The following PLCD3 variants were observed in gnomAD, a reference collection of about 807,000 sequenced individuals.
The protein encoded by PLCD3 is phospholipase C delta 3.
Under a neutral mutation model 82.8 loss-of-function variants are expected in PLCD3, and 62 were observed. That is an observed-to-expected ratio of 0.75 (90% CI 0.61 to 0.93). The LOEUF is 0.93. Among genes scored for constraint, PLCD3 ranks in the 40% least tolerant of loss-of-function variants. PLCD3 has a pLI of 0.00. For missense variants in PLCD3, 1,023 were observed against 1,103.4 expected (o/e 0.93, Z 1.03); for synonymous variants, 478 against 471.8 (o/e 1.01, Z -0.17).
At chr17:45,127,268 C>T (rs1055988072) in intron 1 of PLCD3, among the ~76,000 whole-genome samples, 27 of 152,314 alleles carry the variant, frequency 1.8e-4, no homozygotes, top group Non-Finnish European at 3.8e-4. Context: ...GGGTACCTTC[C>T]CCAGACCAGG....
Position 45,120,334 on chromosome 17 carries a change from G to T in PLCD3, c.675C>A (p.Leu225=). ...CAGGGCGGAAGCCCACCTTGAAGAG[G>T]AGGTAGGCGTACATGTCGTTCATGT... ...NVDMNDMYAY[L]LFKECDHSNN... The change falls in exon 4 of 15, where the codon CTC becomes CTA. Residue 225 remains leucine (L), a synonymous_variant. Transcript: ENST00000619929. 6.2e-7 allele frequency: 1 copy of T among 1,614,000 alleles called. No homozygotes were observed. Among genetic ancestry groups the T allele is most frequent in the South Asian group, 1.1e-5 (1 of 91,082 alleles).
Position 45,120,970 on chromosome 17 carries a change from G to T in PLCD3, c.486C>A (p.Arg162=). 6.6e-7 allele frequency: 1 copy of T among 1,525,486 alleles called. No homozygotes were observed. Among genetic ancestry groups the T allele is most frequent in the Non-Finnish European group, 8.7e-7 (1 of 1,143,358 alleles). The allele number at this position is 1,525,486 out of a possible 1,614,324, so 94.5% of individuals were successfully genotyped here. ...GGAGCTTGGTCAGACCGCGCACCCA[G>T]CGCTGCGCTTCCTCAGCCGTGGGCG... The part of the protein sequence containing the change: ...LAAPTAEEAQ[R]WVRGLTKLRA... The change falls in exon 3 of 15, where the codon CGC becomes CGA. Residue 162 remains arginine, a synonymous_variant. Coordinates refer to ENST00000619929, the MANE Select transcript of PLCD3 (RefSeq NM_133373.5).
Position 45,112,580 on chromosome 17 carries a change from G to A in PLCD3, c.*36C>T, listed in dbSNP as rs1311624003. 1.3e-6 allele frequency: 2 copies of A among 1,538,504 alleles called. No homozygotes were observed. The highest frequency in any genetic ancestry group is 1.8e-6 in the Non-Finnish European group (2 of 1,130,832). On this transcript the variant is annotated 3_prime_UTR_variant, in exon 15 of 15. Coordinates refer to ENST00000619929, the MANE Select transcript of PLCD3 (RefSeq NM_133373.5). The stretch of plus-strand genomic sequence containing the variant: ...AGGGCTCTGCAGGGGATGTGGACTG[G>A]CACTCGCAGAACCCCAAGGCGAGTG...
chr17:45,120,876 C>T (rs1431366349), intron 3 of PLCD3, 26 bp downstream of exon 3: 5 of 1,412,336 alleles, frequency 3.5e-6, no homozygotes, highest in Non-Finnish European at 4.6e-6. Flanking sequence ...AGGATGGGGC[C>T]CTCCCTCCCA....
rs1035564832 is a variant in PLCD3 at position 45,132,084 on chromosome 17, C to T, written c.163+164G>A. On this transcript the variant is annotated intron_variant, in intron 1 of 14. Coordinates refer to ENST00000619929, the MANE Select transcript of PLCD3 (RefSeq NM_133373.5). The surrounding 1 kb of genome is among the most constrained non-coding windows in gnomAD (Gnocchi z 4.6). ...GCTCGCCCCGGGACCCTCGGATGAC[C>T]CCAGGTGCGACCCCCAGCTGGAGGG... 6.6e-6 allele frequency among the ~76,000 whole-genome samples: 1 copy of T among 152,176 alleles called. No individual in the cohort carries two copies. The highest frequency in any genetic ancestry group is 2.4e-5 in the African/African-American group (1 of 41,444).
At chr17:45,120,200 G>GGCTGCTCGCT (rs1201791714) in intron 4 of PLCD3, 125 bp downstream of exon 4, 7 of 1,325,564 alleles carry the variant, frequency 5.3e-6, no homozygotes, top group African/African-American at 2.9e-5. Flanking sequence ...TGCAGGGAAA[G>GGCTGCTCGCT]GCTGCTCGCT....
chr17:45,118,031 C>A lies in PLCD3; in HGVS notation c.1223G>T (p.Arg408Leu). 1 of 1,613,684 alleles carries A rather than the reference C, an allele frequency of 6.2e-7. No homozygotes were observed. Among genetic ancestry groups the A allele is most frequent in the Non-Finnish European group, 8.5e-7 (1 of 1,179,798 alleles). ...GHTLTSKILFRDVVQAVRDHA... is the reference protein window; with the variant it reads ...GHTLTSKILFLDVVQAVRDHA... ...GTCGCGCACGGCTTGGACCACGTCC[C>A]GGAAGAGAATCTTGGAGGTGAGGGT... The change falls in exon 7 of 15, where the codon CGG becomes CTG. Residue 408 changes from arginine (R) to leucine (L), a missense_variant. Physicochemically the swap from Arg to Leu is moderately radical, Grantham distance 102 (BLOSUM62 -2). Coordinates refer to ENST00000619929, the MANE Select transcript of PLCD3 (RefSeq NM_133373.5). This position sits in a 1 kb window ranked among gnomAD's most constrained non-coding sequence, Gnocchi z 4.1.
chr17:45,131,511 T>C (rs1435636321), intron 1 of PLCD3, among the ~76,000 whole-genome samples: 2 of 152,230 alleles, frequency 1.3e-5, no homozygotes, highest in Non-Finnish European at 2.9e-5. Flanking sequence ...CTTTGCCCTT[T>C]GTTGGCTGTG....
In PLCD3 at chr17:45,111,493, A is replaced by G. The variant is rs1438040564; in HGVS notation, c.*1123T>C. ...TTAAGCCAGGAGCAGGGATCGGGCTATTTAGAGCTGTGGCATCTCCTGCTG... is the reference window on the plus strand; with the variant it reads ...TTAAGCCAGGAGCAGGGATCGGGCTGTTTAGAGCTGTGGCATCTCCTGCTG... On this transcript the variant is annotated 3_prime_UTR_variant, in exon 15 of 15. Transcript: ENST00000619929. 1 of 152,044 alleles carries G rather than the reference A, an allele frequency of 6.6e-6. No homozygotes were observed. Among genetic ancestry groups the G allele is most frequent in the Non-Finnish European group, 1.5e-5 (1 of 68,078 alleles). 9.4% of individuals were successfully genotyped at this position (152,044 alleles called of 1,614,324 possible). A position where few individuals can be genotyped will look rare whatever the true frequency, so the allele number is the denominator to read the frequency against.
Position 45,110,446 on chromosome 17 carries a change from A to AG in PLCD3, c.*2169dup, listed in dbSNP as rs2054233228. ...GGGACGAGCAAGACTTTGTCTCAAA[A>AG]GAAAAAAAAAAAAGACTCTTGCCCT... On this transcript the variant is annotated 3_prime_UTR_variant, in exon 15 of 15. Transcript: ENST00000619929. 1.6e-5 allele frequency: 1 copy of AG among 60,704 alleles called. No homozygotes were observed. Among genetic ancestry groups the AG allele is most frequent in the Admixed American group, 1.5e-4 (1 of 6,520 alleles). 3.8% of individuals were successfully genotyped at this position (60,704 alleles called of 1,614,324 possible).
intron 11 of PLCD3, among the ~76,000 whole-genome samples, 194 bp from the exon 12 acceptor site, chr17:45,113,799 GAT>G (rs2054268444): frequency 1.3e-5 from 2 of 151,968 alleles, no homozygotes; most frequent in African/African-American, 4.8e-5. Flanking sequence ...TCTGCCCTGG[GAT>G]CCCTCAAGAC....
rs774628950 is a variant in PLCD3 at position 45,118,790 on chromosome 17, G to A, written c.913+25C>T. On this transcript the variant is annotated intron_variant, in intron 5 of 14. Coordinates refer to ENST00000619929, the MANE Select transcript of PLCD3 (RefSeq NM_133373.5). This position sits in a 1 kb window ranked among gnomAD's most constrained non-coding sequence, Gnocchi z 4.1. ...GGAACACAGCCCTTTCAGGTGCCACGACCTGGCCGTGCCACCCCCCCCACC... is the reference window on the plus strand; with the variant it reads ...GGAACACAGCCCTTTCAGGTGCCACAACCTGGCCGTGCCACCCCCCCCACC... 8 of 1,586,716 alleles carry A rather than the reference G, an allele frequency of 5.0e-6. No individual in the cohort carries two copies. Among genetic ancestry groups the A allele is most frequent in the Middle Eastern group, 1.8e-4 (1 of 5,650 alleles).
At chr17:45,121,187 G>A (rs768433626) in intron 2 of PLCD3, 24 bp downstream of exon 2, 2 of 1,550,220 alleles carry the variant, frequency 1.3e-6, no homozygotes, top group Non-Finnish European at 1.7e-6. Flanking sequence ...CTCCCTGTCC[G>A]CCCGGCGCTC....
At chr17:45,119,836 G>A (rs1963450114) in intron 4 of PLCD3, among the ~76,000 whole-genome samples, 2 of 145,002 alleles carry the variant, frequency 1.4e-5, no homozygotes, top group African/African-American at 5.0e-5. Flanking sequence ...CCATCCACAT[G>A]CACACAGAGG....
intron 1 of PLCD3, chr17:45,129,099 G>A (rs2054401954): frequency 6.6e-6 from 1 of 152,252 alleles, no homozygotes; most frequent in Non-Finnish European, 1.5e-5. Flanking sequence ...ATATTAGTGT[G>A]AGCATTACAT....
At chr17:45,115,298 C>G in intron 9 of PLCD3, 46 bp downstream of exon 9, 1 of 1,528,460 alleles carries the variant, frequency 6.5e-7, no homozygotes, top group Non-Finnish European at 8.8e-7. Flanking sequence ...CACATCCGTC[C>G]TCCCACCTTC....
Position 45,113,619 on chromosome 17 carries a change from AG to A in PLCD3, c.1829-15del. On this transcript the variant is annotated splice_polypyrimidine_tract_variant and intron_variant, in intron 11 of 14. Coordinates refer to ENST00000619929, the MANE Select transcript of PLCD3 (RefSeq NM_133373.5). Reference sequence around the variant, plus strand: ...AGTTCAAGGCCACTGTGGACACAGCAGGGTCAGAGCAGGGGCTCTTAGCGGC... The same window carrying A: ...AGTTCAAGGCCACTGTGGACACAGCAGGTCAGAGCAGGGGCTCTTAGCGGC... 2 of 1,553,458 alleles carry A rather than the reference AG, an allele frequency of 1.3e-6. No homozygotes were observed. Among genetic ancestry groups the A allele is most frequent in the East Asian group, 4.9e-5 (2 of 41,034 alleles).
At chr17:45,116,943 G>A (rs937488033) in intron 7 of PLCD3, among the ~76,000 whole-genome samples, 159 bp from the exon 8 acceptor site, 1 of 152,126 alleles carries the variant, frequency 6.6e-6, no homozygotes, top group Non-Finnish European at 1.5e-5. Flanking sequence ...GCGGCTGCAG[G>A]AATTATTTTT....
At position 45,113,577 on chromosome 17, in the gene PLCD3, G is replaced by C; in HGVS notation, c.1857C>G (p.Tyr619Ter). Reference sequence around the variant, plus strand: ...AGCGCCCGGCATTGAGGTCCATCTCGTAGCCTGGCGTCTGGAAGTTCAAGG... The same window carrying C: ...AGCGCCCGGCATTGAGGTCCATCTCCTAGCCTGGCGTCTGGAAGTTCAAGG... ...LVALNFQTPGYEMDLNAGRFL... is the reference protein window; with the variant it reads ...LVALNFQTPG Residue 619 changes from tyrosine (Y) to a stop codon, truncating the protein, a stop_gained, in exon 12 of 15, where the codon TAC (tyrosine) becomes TAG (stop). Transcript: ENST00000619929. LOFTEE classifies it high-confidence loss of function. 6.4e-7 allele frequency: 1 copy of C among 1,557,078 alleles called. No homozygotes were observed. The highest frequency in any genetic ancestry group is 8.7e-7 in the Non-Finnish European group (1 of 1,150,234).
Sources: gnomAD v4.1 joint callset for allele counts (sites outside exome capture counted in the v4.1 genomes callset) on GRCh38, gnomAD v4.1.1 for gene constraint, Gnocchi (gnomAD v3.1) non-coding constraint, MANE v1.5 for transcripts, NCBI Gene and HGNC (gene_info 2026-07-23, HGNC 2026-07-21) for gene names.